Variants in CTTNBP2NL observed in about 807,000 individuals in gnomAD.
The protein encoded by CTTNBP2NL is CTTNBP2 N-terminal-like protein.
Under a neutral mutation model 32.5 loss-of-function variants are expected in CTTNBP2NL, and 16 were observed. The ratio of observed to expected loss-of-function variants is 0.49; its 90% confidence interval spans 0.33 to 0.75. The LOEUF (loss-of-function observed/expected upper bound fraction) is 0.75, where lower values mean the gene tolerates loss of function less well. CTTNBP2NL is among the 30% of genes least tolerant of loss of function. CTTNBP2NL has a pLI of 0.02. For synonymous variants in CTTNBP2NL, 298 were observed against 289.4 expected (o/e 1.03, Z -0.30); for missense variants, 645 against 756.0 (o/e 0.85, Z 1.72).
At chr1:112,423,012 T>G (rs1649275695) in intron 3 of CTTNBP2NL, among the ~76,000 whole-genome samples, 1 of 152,162 alleles carries the variant, frequency 6.6e-6, no homozygotes, top group South Asian at 2.1e-4. Context: ...CAGGCTGGTC[T>G]CAAACTCCTC....
At position 112,457,321 on chromosome 1, in the gene CTTNBP2NL, C is replaced by T; in HGVS notation, c.1829C>T (p.Thr610Ile). Residue 610 changes from threonine to isoleucine, a missense_variant, in exon 6 of 6, where the codon ACC becomes ATC. By Grantham distance (89) the Thr-to-Ile change is moderately conservative (BLOSUM62 -1). Transcript: ENST00000271277. The stretch of plus-strand genomic sequence containing the variant: ...ACTCATTCCCAGGCAGCCTCTTTGA[C>T]CACTGCAGAAGACCTTGCCAGCAGC... ...TKTHSQAASL[T>I]TAEDLASSCS... The T allele has an allele frequency of 1.2e-6, 2 of 1,614,164 alleles. No individual in the cohort carries two copies. The highest frequency in any genetic ancestry group is 1.7e-6 in the Non-Finnish European group (2 of 1,180,012).
rs370406156 is a variant in CTTNBP2NL, at chr1:112,416,276, GAA to G, written c.99+22_99+23del. The G allele has an allele frequency of 9.7e-5, 98 of 1,007,354 alleles. No individual in the cohort carries two copies. Among genetic ancestry groups the G allele is most frequent in the East Asian group, 1.6e-4 (5 of 30,862 alleles). The allele number at this position is 1,007,354 out of a possible 1,614,324, so 62.4% of individuals were successfully genotyped here. The stretch of plus-strand genomic sequence containing the variant: ...TAGAAGCCTTAAAGGTATGTTAAAA[GAA>G]AAAAAAAAAGAGGTCATCATACATT... On this transcript the variant is annotated intron_variant, in intron 3 of 5. Transcript: ENST00000271277.
intron 3 of CTTNBP2NL, among the ~76,000 whole-genome samples, chr1:112,433,718 G>A (rs1407973545): frequency 6.6e-6 from 1 of 152,136 alleles, no homozygotes; most frequent in Admixed American, 6.5e-5. Flanking sequence ...CTTGTAAAAT[G>A]TATTGCCTTG....
intron 2 of CTTNBP2NL, among the ~76,000 whole-genome samples, chr1:112,412,961 C>T (rs868393399): frequency 1.1e-4 from 16 of 152,104 alleles, no homozygotes; most frequent in Admixed American, 3.3e-4. Flanking sequence ...CAGTTATTAA[C>T]ATTTGTGTGC....
chr1:112,402,648 C>T (rs901257771), intron 1 of CTTNBP2NL, among the ~76,000 whole-genome samples: 6 of 152,206 alleles, frequency 3.9e-5, no homozygotes, highest in African/African-American at 1.2e-4. Context: ...CTTTCTGTTA[C>T]AGCAGGTGCT....
upstream of CTTNBP2NL, among the ~76,000 whole-genome samples, chr1:112,392,109 C>T (rs1648204438): frequency 6.6e-6 from 1 of 152,202 alleles, no homozygotes; most frequent in Non-Finnish European, 1.5e-5. Context: ...TTGTTGCATT[C>T]CCCATCTTCC....
At chr1:112,422,002 G>C (rs1396017801) in intron 3 of CTTNBP2NL, among the ~76,000 whole-genome samples, 1 of 152,150 alleles carries the variant, frequency 6.6e-6, no homozygotes, top group South Asian at 2.1e-4. Flanking sequence ...ATGATAAACT[G>C]TATTATTTGA....
chr1:112,420,019 T>C (rs1412987467), intron 3 of CTTNBP2NL, among the ~76,000 whole-genome samples: 1 of 152,198 alleles, frequency 6.6e-6, no homozygotes, highest in East Asian at 1.9e-4. Flanking sequence ...GGAGCAGAAC[T>C]TTATTTAGGT....
In CTTNBP2NL at chr1:112,457,165, C is replaced by G. The variant is rs748508967; in HGVS notation, c.1673C>G (p.Pro558Arg). Residue 558 changes from proline to arginine, a missense_variant, in exon 6 of 6, where the codon CCC becomes CGC. Pro to Arg is a moderately radical substitution (Grantham distance 103). Coordinates refer to ENST00000271277, the MANE Select transcript of CTTNBP2NL (RefSeq NM_018704.3). ...CCTACTCCAGGGAAAGTGTCCAGTC[C>G]CCTGAGCCCCCTGTCTCCAGGAATC... ...HSPTPGKVSS[P>R]LSPLSPGIKS... The G allele has an allele frequency of 1.2e-6, 2 of 1,614,144 alleles. No homozygotes were observed.
intron 3 of CTTNBP2NL, among the ~76,000 whole-genome samples, chr1:112,426,107 G>T (rs1483746006): frequency 6.6e-6 from 1 of 151,842 alleles, no homozygotes; most frequent in Non-Finnish European, 1.5e-5. Flanking sequence ...CTGTCAAGTT[G>T]TTGGCCGTAG....
intron 3 of CTTNBP2NL, among the ~76,000 whole-genome samples, chr1:112,435,142 C>CAAAA (rs5777114): frequency 1.0e-3 from 86 of 85,080 alleles, no homozygotes; most frequent in East Asian, 1.9e-3. Context: ...GACTCTGTCT[C>CAAAA]AAAAAAAAAA....
chr1:112,426,588 T>C (rs1354681199), intron 3 of CTTNBP2NL, among the ~76,000 whole-genome samples: 1 of 151,370 alleles, frequency 6.6e-6, no homozygotes, highest in Non-Finnish European at 1.5e-5. Flanking sequence ...AATTAAATCA[T>C]TTTCCCTACG....
chr1:112,427,540 A>T (rs1649437134), intron 3 of CTTNBP2NL, among the ~76,000 whole-genome samples: 2 of 152,222 alleles, frequency 1.3e-5, no homozygotes, highest in Non-Finnish European at 2.9e-5. Context: ...GTTAACTTCC[A>T]ATTACCCCTC....
upstream of CTTNBP2NL, among the ~76,000 whole-genome samples, chr1:112,393,750 T>A (rs752149164): frequency 6.6e-6 from 1 of 152,120 alleles, no homozygotes; most frequent in Non-Finnish European, 1.5e-5. Flanking sequence ...TTTTGCTGAG[T>A]CCTTCTACAC....
At chr1:112,423,494 A>G (rs921618437) in intron 3 of CTTNBP2NL, among the ~76,000 whole-genome samples, 1 of 152,100 alleles carries the variant, frequency 6.6e-6, no homozygotes, top group Admixed American at 6.5e-5. Context: ...ATTTTTTATC[A>G]GTTAAAAAAT....
chr1:112,450,767 CTT>C (rs34309573), intron 4 of CTTNBP2NL, among the ~76,000 whole-genome samples: 14 of 133,890 alleles, frequency 1.0e-4, no homozygotes, highest in Admixed American at 7.6e-5. Flanking sequence ...CCTATCTATT[CTT>C]TTTTTTTTTT....
chr1:112,428,659 A>C (rs1649470985), intron 3 of CTTNBP2NL, among the ~76,000 whole-genome samples: 1 of 152,186 alleles, frequency 6.6e-6, no homozygotes, highest in Admixed American at 6.5e-5. Context: ...TCCAGGATAC[A>C]TATACACACC....
chr1:112,434,702 C>T (rs1332038451), intron 3 of CTTNBP2NL, among the ~76,000 whole-genome samples: 3 of 152,230 alleles, frequency 2.0e-5, no homozygotes, highest in African/African-American at 7.2e-5. Flanking sequence ...AACCCAGTCT[C>T]ATTTCCTGCC....
At chr1:112,433,730 G>A (rs1031405935) in intron 3 of CTTNBP2NL, among the ~76,000 whole-genome samples, 1 of 152,080 alleles carries the variant, frequency 6.6e-6, no homozygotes, top group African/African-American at 2.4e-5. Flanking sequence ...ATTGCCTTGT[G>A]TGTATCAATT....
Sources: gnomAD v4.1 joint callset for allele counts (sites outside exome capture counted in the v4.1 genomes callset) on GRCh38, gnomAD v4.1.1 for gene constraint, MANE v1.5 for transcripts, NCBI Gene and HGNC (gene_info 2026-07-23, HGNC 2026-07-21) for gene names.